The following DLG5 variants were observed in gnomAD, a reference collection of about 807,000 sequenced individuals.
The protein encoded by DLG5 is discs large MAGUK scaffold protein 5.
DLG5 carries 48 observed loss-of-function variants against 189.8 expected under a neutral mutation model. The ratio of observed to expected loss-of-function variants is 0.25; its 90% confidence interval spans 0.20 to 0.32. The LOEUF (loss-of-function observed/expected upper bound fraction) is 0.32. Among genes scored for constraint, DLG5 ranks in the 10% least tolerant of loss-of-function variants. The pLI is 1.00. For missense variants in DLG5, 2,160 were observed against 2,544.7 expected (o/e 0.85, Z 3.25); for synonymous variants, 1,016 against 1,054.1 (o/e 0.96, Z 0.70).
chr10:77,841,270 G>A (rs1487467231), intron 7 of DLG5, among the ~76,000 whole-genome samples: 1 of 152,190 alleles, frequency 6.6e-6, no homozygotes, highest in East Asian at 1.9e-4. Flanking sequence ...TGGCCACCCA[G>A]GAGTTGAGCT....
At chr10:77,806,009 A>C in intron 26 of DLG5, 148 bp from the exon 27 acceptor site, 1 of 733,860 alleles carries the variant, frequency 1.4e-6, no homozygotes, top group Non-Finnish European at 2.2e-6. Flanking sequence ...ATCTCCTCCC[A>C]CGCCCCTGGG....
chr10:77,792,525 G>T lies in DLG5; in HGVS notation c.5675C>A (p.Ala1892Asp). 1 of 1,614,140 alleles carries T rather than the reference G, an allele frequency of 6.2e-7. No individual in the cohort carries two copies. The highest frequency in any genetic ancestry group is 8.5e-7 in the Non-Finnish European group (1 of 1,180,032). The change falls in exon 32 of 32, where the codon GCC becomes GAC. Residue 1892 changes from alanine to aspartate, a missense_variant. Physicochemically the swap from Ala to Asp is moderately radical, Grantham distance 126. Transcript: ENST00000372391. ...RYFTGVIQGG[A>D]LSSICTQILA... is the part of the protein sequence containing the mutation. ...GATCTGAGTGCAAATGCTTGACAGGGCTCCTCCCTGGATGACCCCTGCAAA... is the reference window on the plus strand; with the variant it reads ...GATCTGAGTGCAAATGCTTGACAGGTCTCCTCCCTGGATGACCCCTGCAAA...
At chr10:77,857,009 T>C in intron 2 of DLG5, 117 bp from the exon 3 acceptor site, 1 of 919,146 alleles carries the variant, frequency 1.1e-6, no homozygotes, top group Non-Finnish European at 1.6e-6. Flanking sequence ...GTGGGTCCTC[T>C]TAGCATTCCC....
intron 24 of DLG5, among the ~76,000 whole-genome samples, chr10:77,809,330 T>C (rs1194547940): frequency 2.0e-5 from 3 of 152,126 alleles, no homozygotes; most frequent in South Asian, 2.1e-4. Context: ...CGCTTGAACC[T>C]GGGAAGTGAA....
chr10:77,797,958 A>G (rs1460743698), intron 27 of DLG5, among the ~76,000 whole-genome samples: 1 of 152,164 alleles, frequency 6.6e-6, no homozygotes, highest in African/African-American at 2.4e-5. Context: ...AGGCTGAGGC[A>G]GGTGGATCGC....
intron 5 of DLG5, among the ~76,000 whole-genome samples, chr10:77,844,072 G>A (rs988914813): frequency 1.3e-5 from 2 of 152,190 alleles, no homozygotes; most frequent in African/African-American, 4.8e-5. Context: ...TTCTTCTGGT[G>A]ATATAAGCAG....
chr10:77,880,962 CTTTTTTTTTTTTTTT>C (rs61636782), intron 1 of DLG5, among the ~76,000 whole-genome samples: 3 of 73,240 alleles, frequency 4.1e-5, no homozygotes, highest in Non-Finnish European at 4.8e-5. Context: ...AACCCTAGAC[CTTTTTTTTTTTTTTT>C]TTTTTTTTTT....
chr10:77,883,799 C>A (rs1302574924), intron 1 of DLG5, among the ~76,000 whole-genome samples: 1 of 146,708 alleles, frequency 6.8e-6, no homozygotes, highest in East Asian at 2.0e-4. Context: ...TGGGTTCAAG[C>A]AATTCTCCTG....
upstream of DLG5, among the ~76,000 whole-genome samples, chr10:77,931,447 G>A (rs1031153316): frequency 6.6e-6 from 1 of 150,872 alleles, no homozygotes; most frequent in Admixed American, 6.6e-5. Flanking sequence ...ACAGAGTCTC[G>A]TTATGTTGCC....
At chr10:77,853,014 A>C (rs140572026) in intron 5 of DLG5, among the ~76,000 whole-genome samples, 1 of 151,408 alleles carries the variant, frequency 6.6e-6, no homozygotes, top group Non-Finnish European at 1.5e-5. Flanking sequence ...ACAGCGTCTC[A>C]CTCCTTCGCC....
chr10:77,806,667 TG>T, intron 26 of DLG5, 90 bp downstream of exon 26: 1 of 1,485,064 alleles, frequency 6.7e-7, no homozygotes, highest in South Asian at 1.2e-5. Flanking sequence ...CCAGCAGCCC[TG>T]GCCCCAGCCC....
In DLG5 at chr10:77,792,329, T is replaced by G; in HGVS notation, c.*111A>C. On this transcript the variant is annotated 3_prime_UTR_variant, in exon 32 of 32. Transcript: ENST00000372391. ...CTTCTGGGTCCTGGTTCCGGATCCT[T>G]CCCCCGCATGTTCATAGACGGACAG... 9.0e-7 allele frequency: 1 copy of G among 1,109,540 alleles called. No individual in the cohort carries two copies. The highest frequency in any genetic ancestry group is 1.3e-5 in the South Asian group (1 of 74,420). The allele number at this position is 1,109,540 out of a possible 1,614,324, so 68.7% of individuals were successfully genotyped here.
intron 16 of DLG5, 44 bp from the exon 17 acceptor site, chr10:77,819,509 C>A: frequency 3.8e-6 from 6 of 1,586,186 alleles, no homozygotes; most frequent in Non-Finnish European, 5.1e-6. Flanking sequence ...AAGGACCCAG[C>A]CAGCCCAGGA....
intron 5 of DLG5, among the ~76,000 whole-genome samples, chr10:77,850,189 A>G (rs1843897669): frequency 6.6e-6 from 1 of 152,228 alleles, no homozygotes; most frequent in South Asian, 2.1e-4. Flanking sequence ...AAAGAAACCA[A>G]TACCCATCAG....
Position 77,856,723 on chromosome 10 carries a change from T to C in DLG5, c.536+7A>G. 1 of 1,611,594 alleles carries C rather than the reference T, an allele frequency of 6.2e-7. No individual in the cohort carries two copies. The highest frequency in any genetic ancestry group is 1.1e-5 in the South Asian group (1 of 90,974). ...GGCCTGGGCAGGGGAGACGGCGCAA[T>C]TACTACCTCTTGTCAAAGGCCGTGC... is the stretch of plus-strand genomic sequence containing the variant. On this transcript the variant is annotated splice_region_variant and intron_variant, in intron 3 of 31. Transcript: ENST00000372391.
intron 12 of DLG5, 85 bp from the exon 13 acceptor site, chr10:77,829,070 C>T: frequency 7.0e-7 from 1 of 1,429,008 alleles, no homozygotes; most frequent in Non-Finnish European, 9.7e-7. Context: ...TTACCATCTT[C>T]TTACAAAAGA....
At chr10:77,862,447 C>T (rs1049310295) in intron 2 of DLG5, among the ~76,000 whole-genome samples, 1 of 152,196 alleles carries the variant, frequency 6.6e-6, no homozygotes, top group Non-Finnish European at 1.5e-5. Context: ...GCAATGCCAC[C>T]AAATGCTGGC....
Position 77,806,743 on chromosome 10 carries a change from C to A in DLG5, c.4967+15G>T. On this transcript the variant is annotated intron_variant, in intron 26 of 31. Transcript: ENST00000372391. Reference sequence around the variant, plus strand: ...ACCCCTGCCCCACCCCACCCCAGGCCCGGAGAACACTTACACATATTTGCT... The same window carrying A: ...ACCCCTGCCCCACCCCACCCCAGGCACGGAGAACACTTACACATATTTGCT... 1 of 1,595,928 alleles carries A rather than the reference C, an allele frequency of 6.3e-7. No individual in the cohort carries two copies. The highest frequency in any genetic ancestry group is 1.3e-5 in the African/African-American group (1 of 74,794).
At chr10:77,937,771 T>C in the DLG5 span, among the ~76,000 whole-genome samples, 1 of 146,542 alleles carries the variant, frequency 6.8e-6, no homozygotes, top group African/African-American at 2.5e-5. Flanking sequence ...CAGGCTGGAG[T>C]GCAATGGCAT....
Sources: allele counts gnomAD v4.1 joint callset (sites outside exome capture counted in the v4.1 genomes callset), GRCh38; gene constraint gnomAD v4.1.1; transcripts MANE v1.5; gene names NCBI Gene and HGNC (gene_info 2026-07-23, HGNC 2026-07-21).